Variants in REXO5 observed in about 807,000 individuals in gnomAD.
The protein encoded by REXO5 is RNA exonuclease 5, also known as exonuclease NEF-sp.
In REXO5, 48 loss-of-function variants were observed where a neutral mutation model predicts 88.5. The observed-to-expected ratio is 0.54, with a 90% CI of 0.43 to 0.69. REXO5 has a LOEUF of 0.69. REXO5 is among the 30% of genes least tolerant of loss of function. The pLI, the probability that REXO5 is intolerant of heterozygous loss-of-function variation, is 0.00. For missense variants in REXO5, 749 were observed against 912.2 expected, an observed-to-expected ratio of 0.82 and a Z score of 2.30; for synonymous variants, 311 against 336.5, an observed-to-expected ratio of 0.92 and a Z score of 0.83.
chr16:20,822,790 C>T (rs1159496109), intron 6 of REXO5, among the ~76,000 whole-genome samples: 2 of 152,224 alleles, frequency 1.3e-5, no homozygotes, highest in Admixed American at 1.3e-4. Flanking sequence ...ATAGACTGTT[C>T]ATCAGGTGAT....
At chr16:20,820,022 C>T (rs986138527) in intron 5 of REXO5, among the ~76,000 whole-genome samples, 1 of 152,140 alleles carries the variant, frequency 6.6e-6, no homozygotes, top group Admixed American at 6.5e-5. Flanking sequence ...TCCCAAATTG[C>T]TGGGATTACA....
At chr16:20,828,748 G>C (rs571111933) in intron 11 of REXO5, among the ~76,000 whole-genome samples, 7 of 152,080 alleles carry the variant, frequency 4.6e-5, no homozygotes, top group Non-Finnish European at 8.8e-5. Flanking sequence ...CCAATATGGT[G>C]AAACCCCGTC....
intron 13 of REXO5, among the ~76,000 whole-genome samples, chr16:20,834,355 G>A (rs2081392107): frequency 6.6e-6 from 1 of 152,190 alleles, no homozygotes; most frequent in South Asian, 2.1e-4. Context: ...GAGCGCAGGA[G>A]GTTGAGGCTG....
chr16:20,806,479 C>A, upstream of REXO5: 1 of 1,549,498 alleles, frequency 6.5e-7, no homozygotes. Flanking sequence ...AGTCGCTCGA[C>A]TTCTACTTCC....
At position 20,843,942 on chromosome 16, in the gene REXO5, CTG is replaced by C. The variant is rs770699108; in HGVS notation, c.1637_1638del (p.Cys546TyrfsTer4). The C allele has an allele frequency of 6.4e-5, 103 of 1,603,806 alleles. No homozygotes were observed. Among genetic ancestry groups the C allele is most frequent in the Non-Finnish European group, 8.3e-5 (97 of 1,170,938 alleles). On this transcript the variant is annotated frameshift_variant, in exon 16 of 20. Transcript: ENST00000261377. LOFTEE classifies it high-confidence loss of function. ...TCTTGGTCTTTCTGCAGCCTCATCT[CTG>C]TATACAGTATGAAGTCCTAGAAGCT... ...FVLETRQPHL[C>X]IQYEVLEAAQ...
chr16:20,832,314 A>G, intron 12 of REXO5, 55 bp downstream of exon 12: 16 of 1,082,652 alleles, frequency 1.5e-5, no homozygotes, highest in Non-Finnish European at 2.1e-5. Context: ...CTAGTTTCTT[A>G]TTTAACAACA....
intron 18 of REXO5, among the ~76,000 whole-genome samples, chr16:20,845,920 A>C (rs1337258013): frequency 6.6e-6 from 1 of 152,174 alleles, no homozygotes; most frequent in Non-Finnish European, 1.5e-5. Flanking sequence ...ACTTAATGGC[A>C]GAAGCCAGAC....
intron 19 of REXO5, among the ~76,000 whole-genome samples, chr16:20,847,626 A>G (rs1174353004): frequency 2.0e-5 from 3 of 152,194 alleles, no homozygotes; most frequent in African/African-American, 7.2e-5. Flanking sequence ...TGAAAAGCAG[A>G]AACAAGTATT....
intron 11 of REXO5, among the ~76,000 whole-genome samples, chr16:20,830,260 C>A (rs1432638484): frequency 6.6e-6 from 1 of 152,156 alleles, no homozygotes; most frequent in Non-Finnish European, 1.5e-5. Flanking sequence ...GATCTCTCTT[C>A]ACTGCAGCCT....
chr16:20,823,345 C>T (rs532723813), intron 6 of REXO5: 23 of 152,192 alleles, frequency 1.5e-4, no homozygotes, highest in African/African-American at 5.5e-4. Flanking sequence ...TACTAAGTGC[C>T]TTTTTGTACA....
chr16:20,844,594 A>G (rs1346566015), intron 16 of REXO5, 35 bp from the exon 17 acceptor site: 1 of 1,595,740 alleles, frequency 6.3e-7, no homozygotes, highest in East Asian at 2.2e-5. Context: ...GATTAAATTG[A>G]TTTTCTACCA....
At chr16:20,806,902 G>A in intron 1 of REXO5, 50 bp from the exon 2 acceptor site, 1 of 1,537,596 alleles carries the variant, frequency 6.5e-7, no homozygotes, top group Non-Finnish European at 8.8e-7. Context: ...GGCACGCGGG[G>A]GAATAGGGGC....
At chr16:20,844,949 G>A in intron 17 of REXO5, 104 bp downstream of exon 17, 1 of 1,532,086 alleles carries the variant, frequency 6.5e-7, no homozygotes, top group Non-Finnish European at 8.9e-7. Flanking sequence ...GACCAGGGCA[G>A]CAGTTCCTGA....
intron 3 of REXO5, among the ~76,000 whole-genome samples, chr16:20,813,538 A>G (rs553421413): frequency 6.6e-6 from 1 of 152,160 alleles, no homozygotes; most frequent in African/African-American, 2.4e-5. Context: ...GATGGCAGCT[A>G]TCCCTATATT....
Position 20,846,241 on chromosome 16 carries a change from G to A in REXO5, c.2145G>A (p.Pro715=), listed in dbSNP as rs748221857. The A allele has an allele frequency of 2.7e-5, 43 of 1,613,898 alleles. No homozygotes were observed. Among genetic ancestry groups the A allele is most frequent in the Admixed American group, 2.0e-4 (12 of 60,004 alleles). ...EALQTLKLDH[P]KIAAWRWSRK... is the part of the protein sequence containing the mutation. Reference sequence around the variant, plus strand: ...CCCAGACTCTGAAACTGGACCACCCGAAGATAGCAGCCTGGCGCTGGAGCC... The same window carrying A: ...CCCAGACTCTGAAACTGGACCACCCAAAGATAGCAGCCTGGCGCTGGAGCC... Residue 715 remains proline (P), a synonymous_variant, in exon 19 of 20, where the codon CCG becomes CCA. Transcript: ENST00000261377.
Position 20,840,315 on chromosome 16 carries a change from G to T in REXO5, c.1489-16G>T. 1 of 1,517,242 alleles carries T rather than the reference G, an allele frequency of 6.6e-7. No individual in the cohort carries two copies. Among genetic ancestry groups the T allele is most frequent in the Non-Finnish European group, 8.9e-7 (1 of 1,118,244 alleles). 94.0% of individuals were successfully genotyped at this position (1,517,242 alleles called of 1,614,324 possible). A position where few individuals can be genotyped will look rare whatever the true frequency, so the allele number is the denominator to read the frequency against. On this transcript the variant is annotated splice_polypyrimidine_tract_variant and intron_variant, in intron 14 of 19. Transcript: ENST00000261377. Reference sequence around the variant, plus strand: ...CATATTCATTCCCATACTATATTCTGTTGTTTTTCCTACAGATGAGGATCA... The same window carrying T: ...CATATTCATTCCCATACTATATTCTTTTGTTTTTCCTACAGATGAGGATCA...
At chr16:20,832,935 T>C in intron 12 of REXO5, 68 bp from the exon 13 acceptor site, 2 of 1,454,404 alleles carry the variant, frequency 1.4e-6, no homozygotes, top group Non-Finnish European at 1.9e-6. Flanking sequence ...ATAATGCAAG[T>C]ATAGAGAAAT....
chr16:20,811,133 T>C (rs1403267077), intron 2 of REXO5, among the ~76,000 whole-genome samples: 1 of 152,146 alleles, frequency 6.6e-6, no homozygotes, highest in Non-Finnish European at 1.5e-5. Flanking sequence ...CAGCTTCTGC[T>C]CCTAGTCCTG....
intron 5 of REXO5, among the ~76,000 whole-genome samples, chr16:20,820,128 A>C (rs1056304250): frequency 6.6e-6 from 1 of 152,128 alleles, no homozygotes; most frequent in Non-Finnish European, 1.5e-5. Context: ...TTCCGTTCTC[A>C]GGAGCTTTTT....
Sources: gnomAD v4.1 joint callset for allele counts (sites outside exome capture counted in the v4.1 genomes callset) on GRCh38, gnomAD v4.1.1 for gene constraint, MANE v1.5 for transcripts, NCBI Gene and HGNC (gene_info 2026-07-23, HGNC 2026-07-21) for gene names.